Variants in TRIM24 observed in about 807,000 individuals in gnomAD.
The protein encoded by TRIM24 is tripartite motif containing 24, also known as transcription intermediary factor 1-alpha.
A neutral mutation model predicts 123.9 loss-of-function variants in TRIM24; 29 were observed. The observed-to-expected ratio is 0.23, with a 90% CI of 0.17 to 0.32. The LOEUF (loss-of-function observed/expected upper bound fraction) is 0.32, where lower values mean the gene tolerates loss of function less well. Among genes scored for constraint, TRIM24 ranks in the 10% least tolerant of loss-of-function variants. The pLI is 1.00. For missense variants in TRIM24, 932 were observed against 1,295.3 expected, an observed-to-expected ratio of 0.72 and a Z score of 4.31; for synonymous variants, 456 against 461.1, an observed-to-expected ratio of 0.99 and a Z score of 0.14.
intron 9 of TRIM24, among the ~76,000 whole-genome samples, chr7:138,562,518 G>A (rs989701446): frequency 3.3e-5 from 5 of 152,114 alleles, no homozygotes; most frequent in African/African-American, 1.2e-4. Context: ...GGATGTTCCA[G>A]GGTGACTGGA....
Position 138,577,603 on chromosome 7 carries a change from T to C in TRIM24, c.2256+15T>C, listed in dbSNP as rs1221230562. 3 of 1,590,030 alleles carry C rather than the reference T, an allele frequency of 1.9e-6. No homozygotes were observed. The South Asian group carries it at 3.4e-5, about 18-fold the overall frequency. On this transcript the variant is annotated intron_variant, in intron 14 of 18. Transcript: ENST00000343526. Reference sequence around the variant, plus strand: ...GGCCTCAAAATGTAATTATGAATGCTTGCAATGCTATTCCTATGCATGGTG... The same window carrying C: ...GGCCTCAAAATGTAATTATGAATGCCTGCAATGCTATTCCTATGCATGGTG...
At chr7:138,462,489 C>T (rs946498108) in intron 1 of TRIM24, among the ~76,000 whole-genome samples, 1 of 151,384 alleles carries the variant, frequency 6.6e-6, no homozygotes, top group Non-Finnish European at 1.5e-5. Flanking sequence ...TACAGGCGCC[C>T]GCTACCACGC....
intron 7 of TRIM24, among the ~76,000 whole-genome samples, chr7:138,544,197 G>T (rs977492923): frequency 6.6e-6 from 1 of 152,038 alleles, no homozygotes; most frequent in Non-Finnish European, 1.5e-5. Context: ...TACCCACCTA[G>T]CCCCTAGTAA....
chr7:138,466,586 C>A (rs960002307), intron 1 of TRIM24, among the ~76,000 whole-genome samples: 1 of 146,972 alleles, frequency 6.8e-6, no homozygotes, highest in Non-Finnish European at 1.5e-5. Context: ...AACTCCTGAG[C>A]TCAAGTGATC....
chr7:138,508,708 C>T (rs62487623), intron 2 of TRIM24, among the ~76,000 whole-genome samples: 1,777 of 136,220 alleles, frequency 0.013, 42 homozygotes, highest in African/African-American at 0.044. Context: ...CGCGTGTGTG[C>T]GTGTGTGTGT....
At chr7:138,501,814 GGAGGCA>G (rs762096589) in intron 1 of TRIM24, among the ~76,000 whole-genome samples, 1 of 151,802 alleles carries the variant, frequency 6.6e-6, no homozygotes, top group East Asian at 2.0e-4. Flanking sequence ...CTTGAACCAG[GGAGGCA>G]GAGGTTGCAG....
intron 1 of TRIM24, among the ~76,000 whole-genome samples, chr7:138,476,921 A>G (rs899844481): frequency 2.6e-5 from 4 of 152,202 alleles, no homozygotes; most frequent in Non-Finnish European, 5.9e-5. Context: ...GGTGGAATAA[A>G]CTATGGTATA....
intron 3 of TRIM24, 27 bp downstream of exon 3, chr7:138,515,386 T>G (rs771980558): frequency 1.7e-5 from 28 of 1,606,580 alleles, no homozygotes; most frequent in South Asian, 1.4e-4. Context: ...TTGCATTTTT[T>G]TCCTTCTATC....
Position 138,508,692 on chromosome 7 carries a change from T to TGCGCGC in TRIM24, c.483+4288_483+4293dup, listed in dbSNP as rs60180839. Among the ~76,000 whole-genome samples the TGCGCGC allele has an allele frequency of 4.2e-3, 582 of 137,238 alleles. 4 individuals are homozygous for TGCGCGC. The highest frequency in any genetic ancestry group is 7.5e-3 in the Middle Eastern group (2 of 266). The allele number at this position is 137,238 out of a possible 152,430, so 90.0% of individuals were successfully genotyped here. The stretch of plus-strand genomic sequence containing the variant: ...GTGTGTGTGTGTGTGTGTGTGTGTG[T>TGCGCGC]GCGCGCGCGTGTGTGCGTGTGTGTG... On this transcript the variant is annotated intron_variant, in intron 2 of 18. Transcript: ENST00000343526.
intron 6 of TRIM24, among the ~76,000 whole-genome samples, chr7:138,529,653 C>T (rs980210734): frequency 1.3e-5 from 2 of 152,156 alleles, no homozygotes; most frequent in Non-Finnish European, 2.9e-5. Flanking sequence ...ATATGGCTAG[C>T]CCTGCCCTCA....
At position 138,528,270 on chromosome 7, in the gene TRIM24, A is replaced by G. The variant is rs201328653; in HGVS notation, c.882-846A>G. Reference sequence around the variant, plus strand: ...TACTAGTTATAGAAAACAAGAATCTATAAACTCATAAGTTTACTCATACCA... The same window carrying G: ...TACTAGTTATAGAAAACAAGAATCTGTAAACTCATAAGTTTACTCATACCA... On this transcript the variant is annotated intron_variant, in intron 5 of 18. Transcript: ENST00000343526. Among the ~76,000 whole-genome samples, 6 of 152,354 alleles carry G rather than the reference A, an allele frequency of 3.9e-5. No individual in the cohort carries two copies. The East Asian group carries it at 7.7e-4, about 20-fold the overall frequency.
intron 1 of TRIM24, among the ~76,000 whole-genome samples, chr7:138,479,802 G>C (rs911048764): frequency 4.7e-5 from 7 of 149,368 alleles, no homozygotes; most frequent in Non-Finnish European, 8.9e-5. Flanking sequence ...CACTGCGCCC[G>C]GCATTTATTT....
chr7:138,561,491 A>G (rs1000585875), intron 9 of TRIM24, among the ~76,000 whole-genome samples: 1 of 152,156 alleles, frequency 6.6e-6, no homozygotes, highest in African/African-American at 2.4e-5. Context: ...TTTGATAATC[A>G]AGGATGCCAT....
At chr7:138,464,486 C>T (rs1239966269) in intron 1 of TRIM24, among the ~76,000 whole-genome samples, 1 of 151,680 alleles carries the variant, frequency 6.6e-6, no homozygotes, top group Non-Finnish European at 1.5e-5. Context: ...GGAGTACAAG[C>T]AGGGGGGCAG....
chr7:138,468,388 GC>G (rs769097828), intron 1 of TRIM24, among the ~76,000 whole-genome samples: 5 of 152,036 alleles, frequency 3.3e-5, no homozygotes, highest in African/African-American at 4.8e-5. Flanking sequence ...TGAATTGCCT[GC>G]CCTTTTTTAA....
chr7:138,570,953 G>C lies in TRIM24; in HGVS notation c.1828G>C (p.Asp610His). 3 of 1,614,060 alleles carry C rather than the reference G, an allele frequency of 1.9e-6. No homozygotes were observed. The highest frequency in any genetic ancestry group is 1.1e-5 in the South Asian group (1 of 91,066). ...AAAGGCTTTTGGTTCACCTATGATC[G>C]ATTTGAGCTCACCAGTGGGAGGGTC... ...DGKAFGSPMI[D>H]LSSPVGGSYN... Residue 610 changes from aspartate (D) to histidine (H), a missense_variant, in exon 11 of 19, where the codon GAT becomes CAT. This residue lies in a region of TRIM24 where 527 missense variants were observed against 691.3 expected (regional missense o/e 0.76). Transcript: ENST00000343526.
intron 6 of TRIM24, among the ~76,000 whole-genome samples, chr7:138,530,012 T>TA (rs1448026812): frequency 6.6e-6 from 1 of 152,190 alleles, no homozygotes; most frequent in African/African-American, 2.4e-5. Context: ...TCATCCTTTT[T>TA]ATATCATAAT....
At chr7:138,537,653 A>C (rs1796919338) in intron 6 of TRIM24, among the ~76,000 whole-genome samples, 1 of 152,136 alleles carries the variant, frequency 6.6e-6, no homozygotes, top group South Asian at 2.1e-4. Flanking sequence ...GGTCAAAAAT[A>C]GTCTACTAGG....
At chr7:138,475,763 G>C (rs1795383047) in intron 1 of TRIM24, among the ~76,000 whole-genome samples, 1 of 152,156 alleles carries the variant, frequency 6.6e-6, no homozygotes, top group Non-Finnish European at 1.5e-5. Context: ...ACCCACCTCA[G>C]CATCCCAAAG....
Sources: allele counts gnomAD v4.1 joint callset (sites outside exome capture counted in the v4.1 genomes callset), GRCh38; gene constraint gnomAD v4.1.1; regional missense constraint gnomAD v4.1.1; transcripts MANE v1.5; gene names NCBI Gene and HGNC (gene_info 2026-07-23, HGNC 2026-07-21).